Variants in LINGO2 observed in about 807,000 individuals in gnomAD.
The protein encoded by LINGO2 is leucine rich repeat and Ig domain containing 2, also known as leucine-rich repeat and immunoglobulin-like domain-containing nogo receptor-interacting protein 2.
A neutral mutation model predicts 30.6 loss-of-function variants in LINGO2; 14 were observed. The observed-to-expected ratio is 0.46, with a 90% CI of 0.30 to 0.72. The LOEUF (loss-of-function observed/expected upper bound fraction) is 0.72. LINGO2 is among the 30% of genes least tolerant of loss of function. LINGO2 has a pLI of 0.07. For synonymous variants in LINGO2, 317 were observed against 288.5 expected (o/e 1.10, Z -1.00); for missense variants, 729 against 751.7 (o/e 0.97, Z 0.35).
Position 28,298,480 on chromosome 9 carries a change from G to A in LINGO2, c.-245-3114C>T, listed in dbSNP as rs12237082. 0.016 allele frequency among the ~76,000 whole-genome samples: 2,367 copies of A among 149,360 alleles called. 145 individuals are homozygous for A. The East Asian group carries it at 0.2, about 12-fold the overall frequency. On this transcript the variant is annotated intron_variant, in intron 3 of 5. Transcript: ENST00000379992. ...AGATCGAAACCATCCTGCCCAACAT[G>A]GTGAAATCCTGTCTCTACCAAAAAA...
the LINGO2 span, among the ~76,000 whole-genome samples, chr9:29,071,940 C>G: frequency 6.6e-6 from 1 of 152,032 alleles, no homozygotes; most frequent in African/African-American, 2.4e-5. Context: ...AATTGTAAGT[C>G]AAAAGCTAAT....
At chr9:28,990,236 G>A in the LINGO2 span, among the ~76,000 whole-genome samples, 9 of 152,184 alleles carry the variant, frequency 5.9e-5, no homozygotes, top group East Asian at 9.7e-4. Context: ...CTACGCCCAC[G>A]GAGTCTCGCT....
chr9:28,216,714 G>T (rs2133879773), intron 4 of LINGO2, among the ~76,000 whole-genome samples: 1 of 151,778 alleles, frequency 6.6e-6, no homozygotes, highest in Non-Finnish European at 1.5e-5. Flanking sequence ...ATACAGCAAG[G>T]ACTTCCACTG....
At chr9:28,956,644 T>C in the LINGO2 span, among the ~76,000 whole-genome samples, 1 of 80,804 alleles carries the variant, frequency 1.2e-5, no homozygotes. Flanking sequence ...CTTTCCTTCT[T>C]CCCTTCTTTC....
At chr9:28,618,617 T>C (rs1826245268) in intron 1 of LINGO2, among the ~76,000 whole-genome samples, 1 of 152,174 alleles carries the variant, frequency 6.6e-6, no homozygotes, top group South Asian at 2.1e-4. Flanking sequence ...CCTACTTATA[T>C]ATTCAGTTTC....
At chr9:28,060,190 A>G (rs1051091732) in intron 4 of LINGO2, among the ~76,000 whole-genome samples, 22 of 152,130 alleles carry the variant, frequency 1.4e-4, no homozygotes, top group Non-Finnish European at 2.8e-4. Context: ...TCCCCACAAA[A>G]GCAACAAAAA....
chr9:28,324,044 C>T (rs1251887997), intron 3 of LINGO2, among the ~76,000 whole-genome samples: 1 of 151,992 alleles, frequency 6.6e-6, no homozygotes, highest in Non-Finnish European at 1.5e-5. Flanking sequence ...TAAACAAAAG[C>T]CTTGGTGTGT....
chr9:28,606,673 T>C (rs1825706305), intron 1 of LINGO2, among the ~76,000 whole-genome samples: 1 of 152,040 alleles, frequency 6.6e-6, no homozygotes, highest in Non-Finnish European at 1.5e-5. Context: ...TCAGCAAGAC[T>C]AGAATGAAAG....
the LINGO2 span, among the ~76,000 whole-genome samples, chr9:29,061,567 A>T: frequency 6.6e-6 from 1 of 152,180 alleles, no homozygotes; most frequent in South Asian, 2.1e-4. Flanking sequence ...AAGGTAGCCA[A>T]GACTATTCAA....
chr9:28,952,805 C>A, the LINGO2 span, among the ~76,000 whole-genome samples: 134 of 152,262 alleles, frequency 8.8e-4, no homozygotes, highest in African/African-American at 3.1e-3. Context: ...AGCCTCAGAT[C>A]AAAACGCATG....
intron 3 of LINGO2, among the ~76,000 whole-genome samples, chr9:28,297,325 G>A (rs1306315574): frequency 1.2e-4 from 19 of 152,162 alleles, no homozygotes; most frequent in Admixed American, 1.2e-3. Flanking sequence ...TTTCAGCAGT[G>A]ATGATTTTCC....
the LINGO2 span, among the ~76,000 whole-genome samples, chr9:28,968,673 A>C: frequency 6.6e-6 from 1 of 152,150 alleles, no homozygotes; most frequent in Non-Finnish European, 1.5e-5. Flanking sequence ...AATGAATTAG[A>C]TCTCAGAAGT....
chr9:28,244,106 C>G (rs1246595120), intron 4 of LINGO2, among the ~76,000 whole-genome samples: 2 of 152,134 alleles, frequency 1.3e-5, no homozygotes, highest in Admixed American at 1.3e-4. Flanking sequence ...CGCATAAGAA[C>G]AGAAATCATA....
chr9:28,575,689 A>T (rs1266458032), intron 1 of LINGO2, among the ~76,000 whole-genome samples: 4 of 152,090 alleles, frequency 2.6e-5, no homozygotes, highest in Non-Finnish European at 5.9e-5. Context: ...TACACCTGAA[A>T]CTAAAATAAA....
At chr9:29,012,076 G>A in the LINGO2 span, among the ~76,000 whole-genome samples, 17 of 152,008 alleles carry the variant, frequency 1.1e-4, no homozygotes, top group Non-Finnish European at 2.1e-4. Context: ...AAATATTAAT[G>A]GCTGGGCACG....
the LINGO2 span, among the ~76,000 whole-genome samples, chr9:28,911,977 T>C: frequency 1.3e-5 from 2 of 152,144 alleles, no homozygotes; most frequent in Non-Finnish European, 2.9e-5. Flanking sequence ...ATTGAAGATA[T>C]ATTAAATAAA....
At chr9:29,097,192 T>C in the LINGO2 span, among the ~76,000 whole-genome samples, 30 of 138,820 alleles carry the variant, frequency 2.2e-4, 6 homozygotes, top group African/African-American at 7.5e-4. Flanking sequence ...TATTATACTT[T>C]AGAGAGGATT....
the LINGO2 span, among the ~76,000 whole-genome samples, chr9:29,067,749 T>A: frequency 7.8e-6 from 1 of 128,828 alleles, no homozygotes. Context: ...CAAGGAGTAT[T>A]TAAATGAAAA....
chr9:29,041,760 A>C, the LINGO2 span, among the ~76,000 whole-genome samples: 1 of 152,064 alleles, frequency 6.6e-6, no homozygotes, highest in East Asian at 1.9e-4. Context: ...ATTAGACTTA[A>C]CACTGAAATC....
Sources: gnomAD v4.1 joint callset for allele counts (sites outside exome capture counted in the v4.1 genomes callset) on GRCh38, gnomAD v4.1.1 for gene constraint, MANE v1.5 for transcripts, NCBI Gene and HGNC (gene_info 2026-07-23, HGNC 2026-07-21) for gene names.